Variants in USP34 observed in about 807,000 individuals in gnomAD.
The protein encoded by USP34 is ubiquitin carboxyl-terminal hydrolase 34.
USP34 carries 70 observed loss-of-function variants against 460.3 expected under a neutral mutation model. The observed-to-expected ratio is 0.15, with a 90% CI of 0.13 to 0.19. The LOEUF is 0.19. Ranked by LOEUF, USP34 falls within the 10% of genes least tolerant of loss-of-function variation. The pLI, the probability that USP34 is intolerant of heterozygous loss-of-function variation, is 1.00. For synonymous variants in USP34, 1,647 were observed against 1,405.3 expected, an observed-to-expected ratio of 1.17 and a Z score of -3.85; for missense variants, 3,985 against 4,236.2, an observed-to-expected ratio of 0.94 and a Z score of 1.65.
chr2:61,451,220 C>CA (rs70963432), intron 1 of USP34, among the ~76,000 whole-genome samples: 728 of 50,656 alleles, frequency 0.014, 64 homozygotes, highest in African/African-American at 0.046. Flanking sequence ...GGCTTCATCT[C>CA]AAAAAAAAAA....
intron 51 of USP34, among the ~76,000 whole-genome samples, chr2:61,243,216 G>A (rs567654999): frequency 3.3e-5 from 5 of 150,738 alleles, no homozygotes; most frequent in East Asian, 2.0e-4. Context: ...GCGCGATGTC[G>A]GCTCACTGCA....
At chr2:61,449,996 G>A (rs998064813) in intron 1 of USP34, among the ~76,000 whole-genome samples, 4 of 152,092 alleles carry the variant, frequency 2.6e-5, no homozygotes, top group Non-Finnish European at 4.4e-5. Flanking sequence ...AACCCAGGAG[G>A]CAGAGCCTGC....
intron 10 of USP34, among the ~76,000 whole-genome samples, chr2:61,356,430 C>T (rs1692106114): frequency 6.6e-6 from 1 of 151,846 alleles, no homozygotes; most frequent in Admixed American, 6.6e-5. Flanking sequence ...GTCAAGGTTG[C>T]AGTGAGCCAT....
chr2:61,344,161 A>AG, intron 15 of USP34, 132 bp from the exon 16 acceptor site: 1 of 760,612 alleles, frequency 1.3e-6, no homozygotes, highest in Non-Finnish European at 2.1e-6. Flanking sequence ...AACAATATGG[A>AG]ATGTTGAGAG....
chr2:61,350,211 G>C, intron 12 of USP34, 49 bp downstream of exon 12: 1 of 1,537,388 alleles, frequency 6.5e-7, no homozygotes, highest in Non-Finnish European at 8.8e-7. Context: ...TTTCAAATCT[G>C]AGTGAGAAGC....
At chr2:61,289,483 A>C (rs961951912) in intron 33 of USP34, among the ~76,000 whole-genome samples, 1 of 152,130 alleles carries the variant, frequency 6.6e-6, no homozygotes, top group African/African-American at 2.4e-5. Flanking sequence ...TTTTAATAAC[A>C]GTTCACTTTC....
chr2:61,225,838 G>C (rs1465605318), intron 62 of USP34, among the ~76,000 whole-genome samples: 2 of 152,122 alleles, frequency 1.3e-5, no homozygotes, highest in African/African-American at 4.8e-5. Flanking sequence ...ACTGCCAATA[G>C]TATTAAAACT....
intron 71 of USP34, 125 bp downstream of exon 71, chr2:61,206,635 G>A (rs1248920225): frequency 3.3e-6 from 4 of 1,219,534 alleles, no homozygotes; most frequent in Non-Finnish European, 4.4e-6. Context: ...TGGTTAGCTA[G>A]CTTCAGCCTC....
At chr2:61,424,595 A>G (rs1046294857) in intron 1 of USP34, among the ~76,000 whole-genome samples, 12 of 152,194 alleles carry the variant, frequency 7.9e-5, no homozygotes, top group Admixed American at 6.5e-5. Context: ...ATGATCAAGA[A>G]AAGAAATGTT....
chr2:61,289,476 TA>T (rs1016103960), intron 33 of USP34, among the ~76,000 whole-genome samples: 8 of 152,138 alleles, frequency 5.3e-5, no homozygotes, highest in Non-Finnish European at 1.2e-4. Context: ...AGCTCAATTT[TA>T]ATAACAGTTC....
intron 1 of USP34, among the ~76,000 whole-genome samples, chr2:61,421,755 G>A (rs1558584928): frequency 6.6e-6 from 1 of 151,186 alleles, no homozygotes; most frequent in East Asian, 2.0e-4. Context: ...AAATATATAT[G>A]AGGTTAGTTT....
At chr2:61,279,455 G>T (rs1689469576) in intron 39 of USP34, among the ~76,000 whole-genome samples, 1 of 152,158 alleles carries the variant, frequency 6.6e-6, no homozygotes, top group South Asian at 2.1e-4. Flanking sequence ...TAAGTGGCAA[G>T]ATTTGCTTTG....
chr2:61,348,136 C>T lies in USP34; in HGVS notation c.2019G>A (p.Lys673=). 6.2e-7 allele frequency: 1 copy of T among 1,614,202 alleles called. No homozygotes were observed. Among genetic ancestry groups the T allele is most frequent in the Middle Eastern group, 1.6e-4 (1 of 6,062 alleles). The change falls in exon 15 of 80, where the codon AAG becomes AAA. Residue 673 remains lysine, a synonymous_variant. Coordinates refer to ENST00000398571, the MANE Select transcript of USP34 (RefSeq NM_014709.4). ...ATGATTCAGTGTTAAAAACCAGGTC[C>T]TTTCCTGTTCCGCTGCTTGTCCCAT... is the stretch of plus-strand genomic sequence containing the variant. ...ERNGTSSGTG[K]DLVFNTESLP...
chr2:61,273,149 A>C (rs1689266514), intron 41 of USP34, among the ~76,000 whole-genome samples: 1 of 152,228 alleles, frequency 6.6e-6, no homozygotes, highest in African/African-American at 2.4e-5. Flanking sequence ...GAATAAACTT[A>C]CTAAGAAATA....
chr2:61,326,331 C>A (rs2694623), intron 20 of USP34, among the ~76,000 whole-genome samples: 1 of 152,002 alleles, frequency 6.6e-6, no homozygotes, highest in Non-Finnish European at 1.5e-5. Context: ...CCTTAGCCTC[C>A]GGAGTAGCTG....
chr2:61,405,741 A>T lies in USP34; in HGVS notation c.519T>A (p.Thr173=). The T allele has an allele frequency of 6.3e-7, 1 of 1,579,408 alleles. No individual in the cohort carries two copies. Among genetic ancestry groups the T allele is most frequent in the Middle Eastern group, 1.7e-4 (1 of 5,836 alleles). ...KIFQIQFPLY[T]AYKHNTHPTI... ...TAGGGTGAGTATTATGCTTGTAAGCAGTATATAAGGGAAACTGAATTTGAA... is the reference window on the plus strand; with the variant it reads ...TAGGGTGAGTATTATGCTTGTAAGCTGTATATAAGGGAAACTGAATTTGAA... Residue 173 remains threonine, a synonymous_variant, in exon 3 of 80, where the codon ACT becomes ACA. Transcript: ENST00000398571.
chr2:61,267,818 G>A (rs909276817), intron 41 of USP34, among the ~76,000 whole-genome samples: 8 of 152,112 alleles, frequency 5.3e-5, no homozygotes, highest in Middle Eastern at 3.4e-3. Flanking sequence ...GGGTTTCACT[G>A]TGTTAGCCAG....
intron 57 of USP34, 34 bp downstream of exon 57, chr2:61,235,811 A>T: frequency 6.3e-7 from 1 of 1,594,476 alleles, no homozygotes; most frequent in East Asian, 2.2e-5. Context: ...AAAGAATCTT[A>T]AACTATGCAT....
At chr2:61,322,765 T>G (rs1320193176) in intron 21 of USP34, among the ~76,000 whole-genome samples, 2 of 152,142 alleles carry the variant, frequency 1.3e-5, no homozygotes, top group African/African-American at 4.8e-5. Context: ...GATTATTTGT[T>G]CTGAGAACTT....
Sources: gnomAD v4.1 joint callset for allele counts (sites outside exome capture counted in the v4.1 genomes callset) on GRCh38, gnomAD v4.1.1 for gene constraint, MANE v1.5 for transcripts, NCBI Gene and HGNC (gene_info 2026-07-23, HGNC 2026-07-21) for gene names.